Variants in CCDC6 observed in about 807,000 individuals in gnomAD.
CCDC6 encodes coiled-coil domain-containing protein 6.
CCDC6 carries 20 observed loss-of-function variants against 56.6 expected under a neutral mutation model. The observed-to-expected ratio is 0.35, with a 90% CI of 0.25 to 0.51. The LOEUF is 0.51. Among genes scored for constraint, CCDC6 ranks in the 20% least tolerant of loss-of-function variants. The pLI, the probability that CCDC6 is intolerant of heterozygous loss-of-function variation, is 0.95. For synonymous variants in CCDC6, 241 were observed against 234.4 expected (o/e 1.03, Z -0.26); for missense variants, 367 against 601.1 (o/e 0.61, Z 4.07).
At chr10:59,876,091 TC>T (rs1564754335) in intron 1 of CCDC6, among the ~76,000 whole-genome samples, 8 of 146,196 alleles carry the variant, frequency 5.5e-5, no homozygotes, top group Non-Finnish European at 9.0e-5. Context: ...TTTTTTTTTT[TC>T]AGATCGAGTC....
At chr10:59,890,146 G>C (rs141170661) in intron 1 of CCDC6, among the ~76,000 whole-genome samples, 50 of 152,308 alleles carry the variant, frequency 3.3e-4, no homozygotes, top group African/African-American at 1.2e-3. Flanking sequence ...GCAAGGCATA[G>C]ATAGGCCCAG....
intron 1 of CCDC6, among the ~76,000 whole-genome samples, chr10:59,905,878 G>C (rs1441338768): frequency 6.6e-6 from 1 of 152,198 alleles, no homozygotes; most frequent in Non-Finnish European, 1.5e-5. Flanking sequence ...ACCATGAATG[G>C]TTGCCACAGT....
At chr10:59,861,814 A>C (rs1402798466) in intron 1 of CCDC6, among the ~76,000 whole-genome samples, 1 of 152,236 alleles carries the variant, frequency 6.6e-6, no homozygotes, top group East Asian at 1.9e-4. Context: ...GTGAAGAACA[A>C]ACAGATTATC....
At chr10:59,793,161 A>C (rs1243025226) in intron 8 of CCDC6, 50 bp from the exon 9 acceptor site, 104 of 1,472,646 alleles carry the variant, frequency 7.1e-5, no homozygotes, top group Non-Finnish European at 9.3e-5. Context: ...GGTGGATCTC[A>C]TTCTACCTAA....
Position 59,792,311 on chromosome 10 carries a change from A to G in CCDC6, c.*606T>C. 2.8e-6 allele frequency: 1 copy of G among 363,468 alleles called. No homozygotes were observed. The highest frequency in any genetic ancestry group is 3.4e-5 in the South Asian group (1 of 29,042). The allele number at this position is 363,468 out of a possible 1,614,324, so 22.5% of individuals were successfully genotyped here. ...TACTTTGGGCCATCTGTTTTACGAGAGACATGGATGTCAATAACACAATGA... is the reference window on the plus strand; with the variant it reads ...TACTTTGGGCCATCTGTTTTACGAGGGACATGGATGTCAATAACACAATGA... On this transcript the variant is annotated 3_prime_UTR_variant, in exon 9 of 9. Transcript: ENST00000263102.
intron 2 of CCDC6, among the ~76,000 whole-genome samples, chr10:59,851,545 G>A (rs1000004678): frequency 6.6e-6 from 1 of 152,094 alleles, no homozygotes; most frequent in Admixed American, 6.6e-5. Flanking sequence ...AACATGTTAT[G>A]GTCTTAACAT....
At position 59,803,145 on chromosome 10, in the gene CCDC6, C is replaced by T. The variant is rs1024899258; in HGVS notation, c.1105+1275G>A. The stretch of plus-strand genomic sequence containing the variant: ...AAGATGGAAGAAACAGGTTGGGGAA[C>T]ATCTTTTTGGCAAGAACAAGTTGTG... On this transcript the variant is annotated intron_variant, in intron 7 of 8. Transcript: ENST00000263102. Among the ~76,000 whole-genome samples the T allele has an allele frequency of 2.6e-5, 4 of 152,132 alleles. 1 individual carries two copies. The highest frequency in any genetic ancestry group is 9.7e-5 in the African/African-American group (4 of 41,430).
chr10:59,894,811 G>C, intron 1 of CCDC6, among the ~76,000 whole-genome samples: 1 of 152,142 alleles, frequency 6.6e-6, no homozygotes, highest in Non-Finnish European at 1.5e-5. Context: ...GGGGAGCACA[G>C]ACTGTCCCCC....
chr10:59,858,956 T>C (rs1249970819), intron 1 of CCDC6, among the ~76,000 whole-genome samples: 1 of 152,178 alleles, frequency 6.6e-6, no homozygotes, highest in Admixed American at 6.5e-5. Flanking sequence ...TGTCCAGCTA[T>C]ATGACCCTAG....
chr10:59,897,080 C>T (rs75620312), intron 1 of CCDC6, among the ~76,000 whole-genome samples: 2 of 152,036 alleles, frequency 1.3e-5, no homozygotes, highest in South Asian at 4.1e-4. Flanking sequence ...AATAAAATCA[C>T]CTAGTCAATT....
chr10:59,896,677 A>G (rs1433978806), intron 1 of CCDC6, among the ~76,000 whole-genome samples: 1 of 152,186 alleles, frequency 6.6e-6, no homozygotes, highest in Non-Finnish European at 1.5e-5. Flanking sequence ...AGGGAGGAAA[A>G]AAAAATGGGT....
chr10:59,847,817 CTTTTTTTTTTT>C (rs757902015), intron 2 of CCDC6, among the ~76,000 whole-genome samples: 1 of 104,862 alleles, frequency 9.5e-6, no homozygotes, highest in Admixed American at 1.0e-4. Flanking sequence ...GCCTTTTAGA[CTTTTTTTTTTT>C]TTTTTTTTTT....
At chr10:59,882,885 G>A (rs1181940460) in intron 1 of CCDC6, among the ~76,000 whole-genome samples, 1 of 152,042 alleles carries the variant, frequency 6.6e-6, no homozygotes, top group African/African-American at 2.4e-5. Context: ...GCTTGAACCC[G>A]GGAGGCGGAG....
At chr10:59,860,118 G>T (rs1362392050) in intron 1 of CCDC6, among the ~76,000 whole-genome samples, 1 of 152,080 alleles carries the variant, frequency 6.6e-6, no homozygotes, top group Admixed American at 6.6e-5. Context: ...AGCCACTCTG[G>T]GTGGAACAGT....
intron 3 of CCDC6, among the ~76,000 whole-genome samples, chr10:59,824,944 G>C (rs1193994749): frequency 1.3e-5 from 2 of 152,186 alleles, no homozygotes; most frequent in Non-Finnish European, 2.9e-5. Flanking sequence ...TAATGCAAGT[G>C]ACTCCTCAAG....
intron 7 of CCDC6, among the ~76,000 whole-genome samples, chr10:59,803,025 G>C (rs2070590616): frequency 6.6e-6 from 1 of 152,148 alleles, no homozygotes; most frequent in Non-Finnish European, 1.5e-5. Flanking sequence ...AGGCAAAAAA[G>C]ACCTTTATCA....
chr10:59,902,763 C>G (rs2071514020), intron 1 of CCDC6, among the ~76,000 whole-genome samples: 2 of 152,168 alleles, frequency 1.3e-5, no homozygotes, highest in Non-Finnish European at 2.9e-5. Context: ...CTTTGGAAGA[C>G]AGTTTGGCAA....
chr10:59,805,808 G>A (rs2070617084), intron 6 of CCDC6, among the ~76,000 whole-genome samples: 1 of 151,874 alleles, frequency 6.6e-6, no homozygotes, highest in South Asian at 2.1e-4. Context: ...TAAAAATATA[G>A]ACTTTCATTA....
Position 59,906,220 on chromosome 10 carries a change from C to G in CCDC6, c.205G>C (p.Glu69Gln). 7 of 1,613,760 alleles carry G rather than the reference C, an allele frequency of 4.3e-6. No homozygotes were observed. Among genetic ancestry groups the G allele is most frequent in the Non-Finnish European group, 5.9e-6 (7 of 1,179,842 alleles). ...LTNRLASLQQENKVLKIELET... is the reference protein window; with the variant it reads ...LTNRLASLQQQNKVLKIELET... The stretch of plus-strand genomic sequence containing the variant: ...AGCTCTATCTTCAGCACCTTGTTCT[C>G]TTGCTGCAGCGAGGCCAGGCGGTTG... The change falls in exon 1 of 9, where the codon GAG becomes CAG. Residue 69 changes from glutamate to glutamine, a missense_variant. Physicochemically the swap from Glu to Gln is conservative, Grantham distance 29 (BLOSUM62 2). Coordinates refer to ENST00000263102, the MANE Select transcript of CCDC6 (RefSeq NM_005436.5).
Sources: gnomAD v4.1 joint callset for allele counts (sites outside exome capture counted in the v4.1 genomes callset) on GRCh38, gnomAD v4.1.1 for gene constraint, MANE v1.5 for transcripts, NCBI Gene and HGNC (gene_info 2026-07-23, HGNC 2026-07-21) for gene names.